Variants in STMN4 observed in about 807,000 individuals in gnomAD.
STMN4 encodes stathmin-4.
STMN4 carries 12 observed loss-of-function variants against 29.1 expected under a neutral mutation model. That is an observed-to-expected ratio of 0.41 (90% CI 0.26 to 0.67). The LOEUF (loss-of-function observed/expected upper bound fraction) is 0.67, where lower values mean the gene tolerates loss of function less well. Ranked by LOEUF, STMN4 falls within the 30% of genes least tolerant of loss-of-function variation. The probability of loss-of-function intolerance (pLI) is 0.30; values close to 1 mark genes in which losing one functional copy is unlikely to be tolerated. For synonymous variants in STMN4, 114 were observed against 105.3 expected (o/e 1.08, Z -0.51); for missense variants, 181 against 262.8 (o/e 0.69, Z 2.15).
intron 2 of STMN4, among the ~76,000 whole-genome samples, chr8:27,243,336 T>C (rs1190120891): frequency 3.3e-5 from 5 of 152,300 alleles, no homozygotes; most frequent in Admixed American, 6.5e-5. Flanking sequence ...AGACTCCTGA[T>C]ACTGGGGACT....
chr8:27,238,646 A>G (rs1801378080), intron 6 of STMN4, among the ~76,000 whole-genome samples: 1 of 152,220 alleles, frequency 6.6e-6, no homozygotes, highest in Non-Finnish European at 1.5e-5. Context: ...GGACAATCAC[A>G]GGCTGGTCTC....
chr8:27,237,282 G>A (rs921033544), intron 6 of STMN4, among the ~76,000 whole-genome samples: 1 of 152,232 alleles, frequency 6.6e-6, no homozygotes, highest in African/African-American at 2.4e-5. Context: ...GGAGCAGGCA[G>A]AACAGACAGG....
At chr8:27,238,007 C>T (rs1228352286) in intron 6 of STMN4, among the ~76,000 whole-genome samples, 3 of 152,142 alleles carry the variant, frequency 2.0e-5, no homozygotes, top group Non-Finnish European at 2.9e-5. Context: ...AGTAGACCCA[C>T]GGAGGCCCCC....
At chr8:27,252,445 C>T (rs959918912) in intron 1 of STMN4, among the ~76,000 whole-genome samples, 8 of 152,098 alleles carry the variant, frequency 5.3e-5, no homozygotes, top group African/African-American at 1.9e-4. Flanking sequence ...AAAAAACAAA[C>T]AACCCCATCA....
chr8:27,241,973 T>C (rs1460353062), intron 3 of STMN4: 9 of 606,632 alleles, frequency 1.5e-5, no homozygotes, highest in Non-Finnish European at 2.6e-5. Flanking sequence ...GAACCTCCTC[T>C]TCCCACCTCT....
intron 1 of STMN4, among the ~76,000 whole-genome samples, chr8:27,256,552 C>A (rs984066765): frequency 2.0e-5 from 3 of 152,014 alleles, no homozygotes; most frequent in Admixed American, 2.0e-4. Context: ...ATGATATGGA[C>A]ATATACACAC....
chr8:27,246,144 T>G (rs150192809), intron 1 of STMN4, among the ~76,000 whole-genome samples: 1 of 152,172 alleles, frequency 6.6e-6, no homozygotes, highest in African/African-American at 2.4e-5. Context: ...CAGCCTGGCC[T>G]GGGGATATGA....
chr8:27,242,944 G>A (rs1427486799), intron 2 of STMN4, among the ~76,000 whole-genome samples: 2 of 152,158 alleles, frequency 1.3e-5, no homozygotes, highest in Non-Finnish European at 2.9e-5. Flanking sequence ...TGGATAGGAG[G>A]GGACCGTCCT....
At position 27,241,213 on chromosome 8, in the gene STMN4, G is replaced by C. The variant is rs532765085; in HGVS notation, c.240C>G (p.Ile80Met). 3 of 1,614,230 alleles carry C rather than the reference G, an allele frequency of 1.9e-6. No homozygotes were observed. The highest frequency in any genetic ancestry group is 3.3e-5 in the Admixed American group (2 of 60,028). ...GGCCCGAGGTGCATTTGTTCAGCTC[G>C]ATGACTTCCATGTCGGAAATGACGC... ...NWCVISDMEV[I>M]ELNKCTSGQS... The change falls in exon 5 of 7, where the codon ATC becomes ATG. Residue 80 changes from isoleucine (I) to methionine (M), a missense_variant. Coordinates refer to ENST00000350889, the MANE Select transcript of STMN4 (RefSeq NM_030795.4).
At position 27,240,262 on chromosome 8, in the gene STMN4, C is replaced by T; in HGVS notation, c.400-100G>A. On this transcript the variant is annotated intron_variant, in intron 5 of 6. Coordinates refer to ENST00000350889, the MANE Select transcript of STMN4 (RefSeq NM_030795.4). The stretch of plus-strand genomic sequence containing the variant: ...AAAGCTGCACACTCAGAACACTCAC[C>T]TCCCTGGGCCTGGTCCCCAGACCAT... 4 of 1,308,190 alleles carry T rather than the reference C, an allele frequency of 3.1e-6. No homozygotes were observed. In the East Asian group the frequency reaches 9.5e-5, roughly 31 times the overall value. The allele number at this position is 1,308,190 out of a possible 1,614,324, so 81.0% of individuals were successfully genotyped here.
At chr8:27,255,901 A>G (rs73239481) in intron 1 of STMN4, among the ~76,000 whole-genome samples, 9,378 of 152,272 alleles carry the variant, frequency 0.062, 403 homozygotes, top group Non-Finnish European at 0.09. Context: ...CCTGGCCACT[A>G]TGGACAATAT....
intron 6 of STMN4, among the ~76,000 whole-genome samples, chr8:27,238,065 C>T (rs1007894889): frequency 6.6e-6 from 1 of 152,150 alleles, no homozygotes; most frequent in African/African-American, 2.4e-5. Flanking sequence ...CTGCAGACAC[C>T]CTAGAACTTT....
chr8:27,243,863 A>T, intron 1 of STMN4, 62 bp from the exon 2 acceptor site: 2 of 1,479,916 alleles, frequency 1.4e-6, no homozygotes, highest in Non-Finnish European at 1.9e-6. Context: ...TCTCATAAGA[A>T]AGGTCTTTAT....
At position 27,243,705 on chromosome 8, in the gene STMN4, A is replaced by G; in HGVS notation, c.13+6T>C. The G allele has an allele frequency of 6.2e-7, 1 of 1,614,016 alleles. No individual in the cohort carries two copies. The highest frequency in any genetic ancestry group is 8.5e-7 in the Non-Finnish European group (1 of 1,179,968). On this transcript the variant is annotated splice_donor_region_variant and intron_variant, in intron 2 of 6. Coordinates refer to ENST00000350889, the MANE Select transcript of STMN4 (RefSeq NM_030795.4). ...ACGCCCCTTAACACATGGTTTTTGT[A>G]CCTACCAGCAAGGGTCATGTTTCTG...
At chr8:27,237,925 G>A (rs1801356222) in intron 6 of STMN4, among the ~76,000 whole-genome samples, 1 of 152,168 alleles carries the variant, frequency 6.6e-6, no homozygotes, top group Admixed American at 6.5e-5. Context: ...CCTTACACAT[G>A]GCAAGCACTC....
At chr8:27,242,318 G>C (rs1801498395) in intron 3 of STMN4, 79 bp downstream of exon 3, 2 of 1,353,540 alleles carry the variant, frequency 1.5e-6, no homozygotes, top group African/African-American at 2.9e-5. Context: ...TCACGGGACT[G>C]GGGTCGGGGT....
intron 6 of STMN4, 119 bp downstream of exon 6, chr8:27,239,852 A>G (rs1801413331): frequency 6.4e-7 from 1 of 1,565,608 alleles, no homozygotes; most frequent in Non-Finnish European, 8.7e-7. Flanking sequence ...TAAGAAAAAG[A>G]TCCTGATTTT....
chr8:27,245,785 T>C (rs1440208764), intron 1 of STMN4, among the ~76,000 whole-genome samples: 1 of 152,082 alleles, frequency 6.6e-6, no homozygotes, highest in Non-Finnish European at 1.5e-5. Context: ...AGAAGGCAGA[T>C]GGAGTAGGAG....
At chr8:27,237,139 G>A (rs547585713) in intron 6 of STMN4, among the ~76,000 whole-genome samples, 102 of 152,268 alleles carry the variant, frequency 6.7e-4, no homozygotes, top group African/African-American at 2.2e-3. Context: ...GTGTCAAACT[G>A]CAGCAGGGGC....
Sources: allele counts gnomAD v4.1 joint callset (sites outside exome capture counted in the v4.1 genomes callset), GRCh38; gene constraint gnomAD v4.1.1; transcripts MANE v1.5; gene names NCBI Gene and HGNC (gene_info 2026-07-23, HGNC 2026-07-21).